The following PRKAR2A variants were observed in gnomAD, a reference collection of about 807,000 sequenced individuals.
PRKAR2A encodes the protein protein kinase cAMP-dependent type II regulatory subunit alpha, also known as cAMP-dependent protein kinase type II-alpha regulatory subunit.
In PRKAR2A, 29 loss-of-function variants were observed where a neutral mutation model predicts 51.9. The observed-to-expected ratio is 0.56, with a 90% CI of 0.42 to 0.76. PRKAR2A has a LOEUF of 0.76. Among genes scored for constraint, PRKAR2A ranks in the 30% least tolerant of loss-of-function variants. The probability of loss-of-function intolerance (pLI) is 0.00; values close to 1 mark genes in which losing one functional copy is unlikely to be tolerated. For missense variants in PRKAR2A, 445 were observed against 512.1 expected (o/e 0.87, Z 1.26); for synonymous variants, 178 against 186.2 (o/e 0.96, Z 0.36).
At chr3:48,824,331 G>A (rs2083021939) in intron 1 of PRKAR2A, among the ~76,000 whole-genome samples, 1 of 151,902 alleles carries the variant, frequency 6.6e-6, no homozygotes, top group Admixed American at 6.6e-5. Context: ...GGAGGCAGAG[G>A]TTGCAGTGAG....
intron 1 of PRKAR2A, among the ~76,000 whole-genome samples, chr3:48,827,264 C>T (rs1225003335): frequency 6.6e-6 from 1 of 150,424 alleles, no homozygotes; most frequent in Non-Finnish European, 1.5e-5. Context: ...CATGGAGTCA[C>T]CAAAAACAAA....
chr3:48,820,551 T>C (rs1380428205), intron 1 of PRKAR2A, among the ~76,000 whole-genome samples: 2 of 152,150 alleles, frequency 1.3e-5, no homozygotes, highest in African/African-American at 4.8e-5. Context: ...AATGAAGTAG[T>C]TATAAGCATA....
intron 1 of PRKAR2A, among the ~76,000 whole-genome samples, chr3:48,823,735 A>T (rs899444070): frequency 1.3e-5 from 2 of 148,800 alleles, no homozygotes; most frequent in Non-Finnish European, 3.0e-5. Flanking sequence ...GCTGCAAGCC[A>T]TGATCACACC....
chr3:48,753,124 A>G (rs1268230672), intron 9 of PRKAR2A, among the ~76,000 whole-genome samples: 5 of 151,112 alleles, frequency 3.3e-5, no homozygotes, highest in Admixed American at 3.3e-4. Context: ...TAGCAGAGAC[A>G]GGGTTTCACC....
intron 5 of PRKAR2A, among the ~76,000 whole-genome samples, chr3:48,777,595 C>T (rs2082125285): frequency 6.6e-6 from 1 of 151,996 alleles, no homozygotes; most frequent in South Asian, 2.1e-4. Context: ...TTAGTAGAGA[C>T]GGGGTTTCAC....
At chr3:48,810,889 A>T (rs968366752) in intron 1 of PRKAR2A, among the ~76,000 whole-genome samples, 4 of 152,190 alleles carry the variant, frequency 2.6e-5, no homozygotes, top group African/African-American at 9.6e-5. Context: ...ATAAGAATTG[A>T]CAAGGGGCCG....
At chr3:48,760,547 C>A (rs986747911) in intron 8 of PRKAR2A, among the ~76,000 whole-genome samples, 2 of 151,056 alleles carry the variant, frequency 1.3e-5, no homozygotes, top group Non-Finnish European at 2.9e-5. Flanking sequence ...GTAGGCCGGG[C>A]GCAGTGGCTC....
intron 1 of PRKAR2A, among the ~76,000 whole-genome samples, chr3:48,834,595 G>T (rs1306331313): frequency 6.6e-6 from 1 of 151,808 alleles, no homozygotes; most frequent in Non-Finnish European, 1.5e-5. Flanking sequence ...GCGTGGTGGT[G>T]CATGCCTGTA....
intron 1 of PRKAR2A, among the ~76,000 whole-genome samples, chr3:48,817,323 CTCAATAAA>C: frequency 1.0e-5 from 1 of 97,750 alleles, no homozygotes; most frequent in African/African-American, 4.4e-5. Context: ...AAGACTACGT[CTCAATAAA>C]TAAATAAATA....
At chr3:48,793,916 T>A in intron 3 of PRKAR2A, 81 bp downstream of exon 3, 10 of 1,038,402 alleles carry the variant, frequency 9.6e-6, no homozygotes, top group Non-Finnish European at 1.2e-5. Context: ...ATTATTAGCA[T>A]GATGAGTTTT....
intron 1 of PRKAR2A, among the ~76,000 whole-genome samples, chr3:48,813,469 C>T (rs868332000): frequency 2.0e-4 from 30 of 151,840 alleles, no homozygotes; most frequent in Middle Eastern, 3.4e-3. Flanking sequence ...GCCGAGGCGG[C>T]GGATCACGAG....
chr3:48,753,393 C>T (rs1029635793), intron 9 of PRKAR2A, among the ~76,000 whole-genome samples: 1 of 151,682 alleles, frequency 6.6e-6, no homozygotes, highest in African/African-American at 2.4e-5. Flanking sequence ...CTCTAAGAAC[C>T]ACTTTATGTT....
chr3:48,828,708 C>CAA (rs547132768), intron 1 of PRKAR2A, among the ~76,000 whole-genome samples: 1,082 of 82,622 alleles, frequency 0.013, 9 homozygotes, highest in East Asian at 0.057. Context: ...CCCCTGTCTC[C>CAA]AAAAAAAAAA....
intron 1 of PRKAR2A, among the ~76,000 whole-genome samples, chr3:48,813,961 T>G (rs2082826382): frequency 6.6e-6 from 1 of 151,780 alleles, no homozygotes; most frequent in Non-Finnish European, 1.5e-5. Context: ...CCACCTCTAC[T>G]AAAAATACAA....
At chr3:48,746,467 C>T (rs2081563529), downstream of PRKAR2A, 1 of 151,560 alleles carries the variant, frequency 6.6e-6, no homozygotes, top group South Asian at 2.1e-4. Flanking sequence ...TTCAAGGGCT[C>T]ATACCCTAAT....
rs2081566658 is a variant in PRKAR2A at position 48,746,717 on chromosome 3, A to T, written c.*4868T>A. ...TTAATGACTGTTCATTATATGTTTAACACCACAGAGCAAGAATTGATCACG... is the reference window on the plus strand; with the variant it reads ...TTAATGACTGTTCATTATATGTTTATCACCACAGAGCAAGAATTGATCACG... On this transcript the variant is annotated 3_prime_UTR_variant, in exon 11 of 11. Coordinates refer to ENST00000265563, the MANE Select transcript of PRKAR2A (RefSeq NM_004157.4). The T allele has an allele frequency of 6.6e-6, 1 of 152,234 alleles. No individual in the cohort carries two copies. Among genetic ancestry groups the T allele is most frequent in the Non-Finnish European group, 1.5e-5 (1 of 68,046 alleles). The allele number at this position is 152,234 out of a possible 1,614,324, so 9.4% of individuals were successfully genotyped here.
At chr3:48,807,235 A>C (rs979979716) in intron 2 of PRKAR2A, among the ~76,000 whole-genome samples, 14 of 152,188 alleles carry the variant, frequency 9.2e-5, no homozygotes, top group Admixed American at 5.2e-4. Context: ...AAAACAAGAC[A>C]GAAAAAGCCA....
At chr3:48,777,856 T>C (rs900958443) in intron 5 of PRKAR2A, among the ~76,000 whole-genome samples, 3 of 152,180 alleles carry the variant, frequency 2.0e-5, no homozygotes, top group Admixed American at 2.0e-4. Flanking sequence ...TGACCTGTCC[T>C]AGGCCTTTAT....
Position 48,783,008 on chromosome 3 carries a change from C to G in PRKAR2A, c.520G>C (p.Asp174His). The G allele has an allele frequency of 6.2e-7, 1 of 1,612,642 alleles. No homozygotes were observed. The highest frequency in any genetic ancestry group is 8.5e-7 in the Non-Finnish European group (1 of 1,178,748). Reference sequence around the variant, plus strand: ...TACCGTTCTATGACATAAAAGTTGTCTCCATCATCTCCTTGGTCAATGACA... The same window carrying G: ...TACCGTTCTATGACATAAAAGTTGTGTCCATCATCTCCTTGGTCAATGACA... ...EHVIDQGDDGDNFYVIERGTY... is the reference protein window; with the variant it reads ...EHVIDQGDDGHNFYVIERGTY... The change falls in exon 5 of 11, where the codon GAC (aspartate) becomes CAC (histidine). Residue 174 changes from aspartate (D) to histidine (H), a missense_variant. Transcript: ENST00000265563.
Sources: gnomAD v4.1 joint callset for allele counts (sites outside exome capture counted in the v4.1 genomes callset) on GRCh38, gnomAD v4.1.1 for gene constraint, MANE v1.5 for transcripts, NCBI Gene and HGNC (gene_info 2026-07-23, HGNC 2026-07-21) for gene names.